The following ADGRV1 variants were observed in gnomAD, a reference collection of about 807,000 sequenced individuals.
The protein encoded by ADGRV1 is adhesion G protein-coupled receptor V1.
ADGRV1 carries 359 observed loss-of-function variants against 596.2 expected under a neutral mutation model. That is an observed-to-expected ratio of 0.60 (90% CI 0.55 to 0.66). ADGRV1 has a LOEUF of 0.66. ADGRV1 is among the 30% of genes least tolerant of loss of function. ADGRV1 has a pLI of 0.00. For missense variants in ADGRV1, 7,274 were observed against 7,575.6 expected (o/e 0.96, Z 1.48); for synonymous variants, 2,681 against 2,679.2 (o/e 1.00, Z -0.02).
chr5:91,135,640 C>A (rs1794566207), intron 87 of ADGRV1, among the ~76,000 whole-genome samples: 1 of 152,066 alleles, frequency 6.6e-6, no homozygotes, highest in South Asian at 2.1e-4. Flanking sequence ...TTTTCTAGGC[C>A]CCAGGCAATA....
chr5:90,965,381 A>G (rs1200952885), intron 83 of ADGRV1, 34 bp from the exon 84 acceptor site: 12 of 1,271,456 alleles, frequency 9.4e-6, no homozygotes, highest in African/African-American at 5.9e-5. Flanking sequence ...CGATTTTAGC[A>G]TATTTTAAAA....
intron 85 of ADGRV1, among the ~76,000 whole-genome samples, chr5:91,040,476 T>G (rs772219360): frequency 6.6e-6 from 1 of 152,190 alleles, no homozygotes; most frequent in Non-Finnish European, 1.5e-5. Flanking sequence ...TCTAAAATAT[T>G]TGCTAAGTAT....
chr5:90,737,143 A>G (rs935382411), intron 50 of ADGRV1, among the ~76,000 whole-genome samples: 2 of 151,640 alleles, frequency 1.3e-5, no homozygotes, highest in Non-Finnish European at 3.0e-5. Context: ...ACATTTTAGT[A>G]TATTATTTTT....
intron 79 of ADGRV1, among the ~76,000 whole-genome samples, chr5:90,851,128 T>TGA (rs1766454231): frequency 2.3e-5 from 2 of 86,808 alleles, no homozygotes; most frequent in Non-Finnish European, 5.1e-5. Context: ...TGTGTGTGTG[T>TGA]GTGTGTGAGA....
At chr5:91,096,783 C>A (rs1022221083) in intron 86 of ADGRV1, among the ~76,000 whole-genome samples, 3 of 152,178 alleles carry the variant, frequency 2.0e-5, no homozygotes, top group African/African-American at 7.2e-5. Flanking sequence ...AGTACACTGA[C>A]AATGTTGTGC....
chr5:90,751,461 C>T (rs1476765582), intron 53 of ADGRV1, among the ~76,000 whole-genome samples: 2 of 152,096 alleles, frequency 1.3e-5, no homozygotes, highest in Admixed American at 1.3e-4. Flanking sequence ...GGGATGGGTA[C>T]ATCAGCCCCA....
intron 85 of ADGRV1, among the ~76,000 whole-genome samples, chr5:91,018,470 T>C (rs1226640961): frequency 6.6e-6 from 1 of 152,006 alleles, no homozygotes; most frequent in Non-Finnish European, 1.5e-5. Context: ...CTGAGATTTA[T>C]GTTACACAGT....
intron 28 of ADGRV1, among the ~76,000 whole-genome samples, chr5:90,684,457 T>A (rs1319245424): frequency 6.6e-6 from 1 of 151,944 alleles, no homozygotes; most frequent in African/African-American, 2.4e-5. Flanking sequence ...GTTGGTGTAG[T>A]CTTGAGGCTG....
chr5:90,619,015 C>G, intron 3 of ADGRV1, 71 bp from the exon 4 acceptor site: 1 of 706,780 alleles, frequency 1.4e-6, no homozygotes, highest in Non-Finnish European at 2.2e-6. Context: ...AAGACAAATT[C>G]TACAAAAATA....
chr5:90,811,219 A>T lies in ADGRV1; in HGVS notation c.15959A>T (p.Asp5320Val), dbSNP rs398124425. The T allele has an allele frequency of 7.3e-5, 118 of 1,613,082 alleles. No homozygotes were observed. Among genetic ancestry groups the T allele is most frequent in the Non-Finnish European group, 9.5e-5 (112 of 1,179,510 alleles). Residue 5320 changes from aspartate (D) to valine (V), a missense_variant, in exon 74 of 90, where the codon GAT becomes GTT. Physicochemically the swap from Asp to Val is radical, Grantham distance 152. This residue lies in a region of ADGRV1 where 1,874 missense variants were observed against 1,970.2 expected (regional missense o/e 0.95). Coordinates refer to ENST00000405460, the MANE Select transcript of ADGRV1 (RefSeq NM_032119.4). ...GTATCAGTTCAAATTTTGGATGATG[A>T]TGAGCCTGAGGGGCAGGAATTCTTC... Reference protein sequence around the residue: ...RKVSVQILDDDEPEGQEFFYV... With the variant: ...RKVSVQILDDVEPEGQEFFYV...
intron 87 of ADGRV1, among the ~76,000 whole-genome samples, chr5:91,143,995 C>A (rs13172451): frequency 5.1e-4 from 77 of 152,264 alleles, no homozygotes; most frequent in African/African-American, 1.8e-3. Flanking sequence ...AGTGCCCAGG[C>A]TTGGCCTCAA....
intron 87 of ADGRV1, among the ~76,000 whole-genome samples, chr5:91,134,819 G>A (rs1317349604): frequency 6.6e-6 from 1 of 152,110 alleles, no homozygotes; most frequent in Non-Finnish European, 1.5e-5. Context: ...TAAGAGTGGT[G>A]AAATTTAAAG....
chr5:90,804,554 T>G (rs1201062364), intron 71 of ADGRV1, among the ~76,000 whole-genome samples: 3 of 152,194 alleles, frequency 2.0e-5, no homozygotes, highest in African/African-American at 7.2e-5. Context: ...TCATTCCAAT[T>G]TAAGAAGGGG....
At chr5:90,758,226 C>T (rs1047380189) in intron 57 of ADGRV1, among the ~76,000 whole-genome samples, 7 of 151,852 alleles carry the variant, frequency 4.6e-5, no homozygotes, top group South Asian at 2.1e-4. Context: ...CCAGCTATTC[C>T]GGCGACTGAG....
intron 57 of ADGRV1, among the ~76,000 whole-genome samples, chr5:90,757,373 A>C (rs1164632195): frequency 8.7e-6 from 1 of 115,478 alleles, no homozygotes; most frequent in Non-Finnish European, 1.8e-5. Context: ...CCTTTTCTGA[A>C]CCCCCGCCCC....
rs780268740 is a variant in ADGRV1 at position 90,629,237 on chromosome 5, G to T, written c.1537G>T (p.Asp513Tyr). ...ELLFYIQDSD[D>Y]VYGLITFFPM... ...TTTGTTCTACATTCAGGATAGTGAT[G>T]ATGTCTATGGCCTAATAACATTTTT... is the stretch of plus-strand genomic sequence containing the variant. Residue 513 changes from aspartate to tyrosine, a missense_variant, in exon 9 of 90, where the codon GAT becomes TAT. Transcript: ENST00000405460. 3.1e-6 allele frequency: 5 copies of T among 1,599,882 alleles called. No individual in the cohort carries two copies. Among genetic ancestry groups the T allele is most frequent in the Non-Finnish European group, 4.3e-6 (5 of 1,173,190 alleles).
At chr5:90,560,347 T>A (rs1179817559) in intron 1 of ADGRV1, among the ~76,000 whole-genome samples, 3 of 152,150 alleles carry the variant, frequency 2.0e-5, no homozygotes, top group Non-Finnish European at 4.4e-5. Context: ...GATGAATAAA[T>A]ATAGCAGTCA....
chr5:90,806,537 A>G (rs1052370769), intron 72 of ADGRV1, among the ~76,000 whole-genome samples: 1 of 152,044 alleles, frequency 6.6e-6, no homozygotes, highest in African/African-American at 2.4e-5. Flanking sequence ...GCATAGCTTC[A>G]TATAATCTAG....
At chr5:91,062,410 G>C (rs1562163700) in intron 85 of ADGRV1, among the ~76,000 whole-genome samples, 1 of 152,222 alleles carries the variant, frequency 6.6e-6, no homozygotes, top group Non-Finnish European at 1.5e-5. Flanking sequence ...CTCAGAACTA[G>C]TCATCTGTGG....
Sources: gnomAD v4.1 joint callset for allele counts (sites outside exome capture counted in the v4.1 genomes callset) on GRCh38, gnomAD v4.1.1 for gene constraint, gnomAD v4.1.1 regional missense constraint, MANE v1.5 for transcripts, NCBI Gene and HGNC (gene_info 2026-07-23, HGNC 2026-07-21) for gene names.